The following IFT56 variants were observed in gnomAD, a reference collection of about 807,000 sequenced individuals.
IFT56 encodes intraflagellar transport protein 56.
the IFT56 span, chr7:139,134,698 A>G: frequency 1.2e-6 from 2 of 1,614,016 alleles, no homozygotes; most frequent in African/African-American, 2.7e-5. Context: ...GGCGTACAGC[A>G]CACTGACAAA....
chr7:139,173,225 CTTTT>C, the IFT56 span: 1,080 of 294,042 alleles, frequency 3.7e-3, no homozygotes, highest in South Asian at 5.3e-3. Flanking sequence ...ACAAAGTCAC[CTTTT>C]TTTTTTTTTT....
At chr7:139,174,507 A>G in the IFT56 span, among the ~76,000 whole-genome samples, 1 of 152,180 alleles carries the variant, frequency 6.6e-6, no homozygotes, top group Non-Finnish European at 1.5e-5. Flanking sequence ...CCAAAGCAAA[A>G]ATGGACAGAT....
the IFT56 span, chr7:139,179,746 C>G: frequency 7.3e-6 from 7 of 960,026 alleles, no homozygotes; most frequent in East Asian, 1.8e-4. Context: ...TTTTATTTTG[C>G]ATTTTGTTCT....
At chr7:139,168,369 A>G in the IFT56 span, 203 of 1,611,474 alleles carry the variant, frequency 1.3e-4, no homozygotes, top group Non-Finnish European at 1.6e-4. Flanking sequence ...GGAGTGGTCA[A>G]TGCAGCCCTT....
chr7:139,176,748 A>C, the IFT56 span, among the ~76,000 whole-genome samples: 14 of 152,316 alleles, frequency 9.2e-5, no homozygotes, highest in Non-Finnish European at 1.9e-4. Context: ...CTGGTTATTT[A>C]GTTCAATTTT....
At chr7:139,188,172 C>T in the IFT56 span, among the ~76,000 whole-genome samples, 1 of 149,518 alleles carries the variant, frequency 6.7e-6, no homozygotes, top group Non-Finnish European at 1.5e-5. Context: ...GTGATCTCAG[C>T]TCACTGCAAC....
At chr7:139,139,069 C>G in the IFT56 span, among the ~76,000 whole-genome samples, 2 of 152,180 alleles carry the variant, frequency 1.3e-5, no homozygotes, top group Admixed American at 6.5e-5. Flanking sequence ...GCCTCGGCCT[C>G]CCAAAGTGCT....
At chr7:139,166,954 A>G in the IFT56 span, 1 of 1,166,580 alleles carries the variant, frequency 8.6e-7, no homozygotes. Flanking sequence ...GGAACTTCAG[A>G]AATTTAGTTG....
chr7:139,183,874 G>A, the IFT56 span, among the ~76,000 whole-genome samples: 5 of 152,066 alleles, frequency 3.3e-5, no homozygotes, highest in Non-Finnish European at 7.4e-5. Flanking sequence ...CCTAAAACTG[G>A]AGACAAAGTC....
chr7:139,178,485 A>G, the IFT56 span: 2 of 1,581,618 alleles, frequency 1.3e-6, no homozygotes, highest in Non-Finnish European at 1.7e-6. Context: ...GTTAATTCTC[A>G]GTGTGACCTG....
the IFT56 span, among the ~76,000 whole-genome samples, chr7:139,156,507 T>C: frequency 6.6e-6 from 1 of 152,102 alleles, no homozygotes; most frequent in Admixed American, 6.5e-5. Flanking sequence ...CCCGTAAGTT[T>C]TGTTATATTG....
At chr7:139,142,557 T>C in the IFT56 span, among the ~76,000 whole-genome samples, 16 of 152,032 alleles carry the variant, frequency 1.1e-4, no homozygotes, top group African/African-American at 3.9e-4. Context: ...TAGACTGGCA[T>C]GATAGCTCAC....
At chr7:139,157,707 C>G in the IFT56 span, among the ~76,000 whole-genome samples, 1 of 151,840 alleles carries the variant, frequency 6.6e-6, no homozygotes, top group Non-Finnish European at 1.5e-5. Flanking sequence ...GGTCTCACTA[C>G]ATTGCTAAGG....
the IFT56 span, among the ~76,000 whole-genome samples, chr7:139,176,093 A>C: frequency 6.6e-6 from 1 of 151,968 alleles, no homozygotes; most frequent in African/African-American, 2.4e-5. Flanking sequence ...TGCTGGGATT[A>C]CAGGCATGAG....
At chr7:139,168,293 T>A in the IFT56 span, 10 of 1,279,330 alleles carry the variant, frequency 7.8e-6, no homozygotes, top group Non-Finnish European at 1.1e-5. Flanking sequence ...AATTTGAAAA[T>A]GATCTCATAG....
the IFT56 span, among the ~76,000 whole-genome samples, chr7:139,180,209 C>T: frequency 2.0e-5 from 3 of 151,932 alleles, no homozygotes; most frequent in Admixed American, 6.6e-5. Context: ...CGGTGGTGGG[C>T]GCCTGTAGTC....
chr7:139,141,426 C>T, the IFT56 span, among the ~76,000 whole-genome samples: 1 of 152,132 alleles, frequency 6.6e-6, no homozygotes, highest in Non-Finnish European at 1.5e-5. Context: ...CCACCATGCC[C>T]AGCAAAGCCT....
the IFT56 span, among the ~76,000 whole-genome samples, chr7:139,171,804 T>C: frequency 6.6e-6 from 1 of 152,196 alleles, no homozygotes; most frequent in Non-Finnish European, 1.5e-5. Context: ...TATGTTGTTG[T>C]TCTTGTTTTT....
At chr7:139,181,706 A>G in the IFT56 span, among the ~76,000 whole-genome samples, 1 of 152,220 alleles carries the variant, frequency 6.6e-6, no homozygotes, top group Non-Finnish European at 1.5e-5. Context: ...GATATAGCTT[A>G]TTGCTCCCTA....
Sources: allele counts gnomAD v4.1 joint callset (sites outside exome capture counted in the v4.1 genomes callset), GRCh38; gene constraint gnomAD v4.1.1; transcripts MANE v1.5; gene names NCBI Gene and HGNC (gene_info 2026-07-23, HGNC 2026-07-21).